Variants in KCNH7 observed in about 807,000 individuals in gnomAD.
KCNH7 encodes the protein potassium voltage-gated channel subfamily H member 7.
In KCNH7, 49 loss-of-function variants were observed where a neutral mutation model predicts 120.8. The ratio of observed to expected loss-of-function variants is 0.41; its 90% CI spans 0.32 to 0.51. The LOEUF (loss-of-function observed/expected upper bound fraction) is 0.51. KCNH7 is among the 20% of genes least tolerant of loss of function. The probability of loss-of-function intolerance (pLI) is 0.38; values close to 1 mark genes in which losing one functional copy is unlikely to be tolerated. For missense variants in KCNH7, 1,097 were observed against 1,446.6 expected (o/e 0.76, Z 3.92); for synonymous variants, 547 against 516.1 (o/e 1.06, Z -0.81).
At chr2:162,830,140 AG>A (rs1289717212) in intron 2 of KCNH7, among the ~76,000 whole-genome samples, 2 of 152,156 alleles carry the variant, frequency 1.3e-5, no homozygotes, top group African/African-American at 4.8e-5. Flanking sequence ...TTCACAGAGA[AG>A]TCTTTTGATC....
chr2:162,471,366 A>C (rs1171710224), intron 6 of KCNH7, among the ~76,000 whole-genome samples: 1 of 152,054 alleles, frequency 6.6e-6, no homozygotes, highest in Non-Finnish European at 1.5e-5. Flanking sequence ...TCTCCTGTGT[A>C]TATATTTGCA....
chr2:162,570,778 G>C, intron 2 of KCNH7, among the ~76,000 whole-genome samples: 1 of 151,964 alleles, frequency 6.6e-6, no homozygotes. Context: ...CATATAAACA[G>C]AACCAAAGAT....
In KCNH7 at chr2:162,602,217, G is replaced by C. The variant is rs143548791; in HGVS notation, c.308-65137C>G. Among the ~76,000 whole-genome samples the C allele has an allele frequency of 7.7e-3, 1,174 of 152,176 alleles. 16 individuals carry two copies. The highest frequency in any genetic ancestry group is 0.027 in the African/African-American group (1,109 of 41,542). On this transcript the variant is annotated intron_variant, in intron 2 of 15. Transcript: ENST00000332142. ...GCCTAGAAAGAAATTTGCAATAGGT[G>C]TCTCCCGAGTGAGAGCCAAACCACA...
At chr2:162,448,983 A>C (rs1360110429) in intron 6 of KCNH7, among the ~76,000 whole-genome samples, 1 of 151,974 alleles carries the variant, frequency 6.6e-6, no homozygotes, top group Admixed American at 6.6e-5. Context: ...ACTGAGACTG[A>C]ATAGGAGTCA....
intron 2 of KCNH7, among the ~76,000 whole-genome samples, chr2:162,644,178 T>G (rs1395874074): frequency 6.6e-6 from 1 of 152,162 alleles, no homozygotes; most frequent in African/African-American, 2.4e-5. Flanking sequence ...CTGCGCTGTA[T>G]CTGTGCTATT....
At chr2:162,791,430 T>G (rs1027592362) in intron 2 of KCNH7, among the ~76,000 whole-genome samples, 18 of 152,170 alleles carry the variant, frequency 1.2e-4, no homozygotes, top group Non-Finnish European at 7.4e-5. Context: ...AAAATGTTTT[T>G]CTATCTGTTT....
At chr2:162,807,109 CA>C (rs1684567136) in intron 2 of KCNH7, among the ~76,000 whole-genome samples, 1 of 151,020 alleles carries the variant, frequency 6.6e-6, no homozygotes. Flanking sequence ...TTGCAAAAAA[CA>C]AAAACAAACA....
intron 6 of KCNH7, among the ~76,000 whole-genome samples, chr2:162,501,695 A>C (rs1553484888): frequency 6.6e-6 from 1 of 152,002 alleles, no homozygotes. Context: ...CTCACAGTGC[A>C]GAAGGGGGCC....
chr2:162,396,471 T>C (rs1686914945), intron 11 of KCNH7, among the ~76,000 whole-genome samples: 1 of 151,838 alleles, frequency 6.6e-6, no homozygotes, highest in Non-Finnish European at 1.5e-5. Context: ...ACAAAGGCTA[T>C]TTTAACTCAA....
At chr2:162,749,549 T>C (rs1688470121) in intron 2 of KCNH7, among the ~76,000 whole-genome samples, 1 of 152,148 alleles carries the variant, frequency 6.6e-6, no homozygotes, top group African/African-American at 2.4e-5. Context: ...TTCAGCAGAC[T>C]AAGGGGTTCA....
intron 13 of KCNH7, 124 bp downstream of exon 13, chr2:162,384,564 G>A (rs1686518946): frequency 6.1e-6 from 6 of 978,676 alleles, no homozygotes; most frequent in South Asian, 3.2e-5. Flanking sequence ...AACGCTTCGC[G>A]AACATTTCAT....
At chr2:162,565,327 G>GCT (rs1693216900) in intron 2 of KCNH7, among the ~76,000 whole-genome samples, 1 of 151,740 alleles carries the variant, frequency 6.6e-6, no homozygotes, top group African/African-American at 2.4e-5. Context: ...GAAAAAAAAC[G>GCT]TAACTAGTCC....
At chr2:162,647,933 A>G (rs1574217611) in intron 2 of KCNH7, among the ~76,000 whole-genome samples, 1 of 152,198 alleles carries the variant, frequency 6.6e-6, no homozygotes, top group Admixed American at 6.5e-5. Context: ...CAATTATTGA[A>G]TTAATGATGT....
At chr2:162,611,161 C>T (rs542052705) in intron 2 of KCNH7, among the ~76,000 whole-genome samples, 1 of 152,248 alleles carries the variant, frequency 6.6e-6, no homozygotes, top group East Asian at 1.9e-4. Context: ...GGGGGCCCAC[C>T]GTGGGGCCTG....
rs192675921 is a variant in KCNH7 at position 162,592,436 on chromosome 2, T to C, written c.308-55356A>G. Among the ~76,000 whole-genome samples, 302 of 152,190 alleles carry C rather than the reference T, an allele frequency of 2.0e-3. 1 individual carries two copies. The highest frequency in any genetic ancestry group is 6.8e-3 in the African/African-American group (284 of 41,576). ...GATGGAAAAGCAAGGGGCACACTTATTTTATGAGGGCTTCCACATGACTCT... is the reference window on the plus strand; with the variant it reads ...GATGGAAAAGCAAGGGGCACACTTACTTTATGAGGGCTTCCACATGACTCT... On this transcript the variant is annotated intron_variant, in intron 2 of 15. Coordinates refer to ENST00000332142, the MANE Select transcript of KCNH7 (RefSeq NM_033272.4).
chr2:162,446,126 T>G lies in KCNH7; in HGVS notation c.1446A>C (p.Val482=). The G allele has an allele frequency of 6.2e-7, 1 of 1,613,860 alleles. No individual in the cohort carries two copies. Among genetic ancestry groups the G allele is most frequent in the Non-Finnish European group, 8.5e-7 (1 of 1,179,802 alleles). ...GTATTGCTATTTTGGCGGGATCACTTACCACTTCTTCATTCTGATTTACAT... is the reference window on the plus strand; with the variant it reads ...GTATTGCTATTTTGGCGGGATCACTGACCACTTCTTCATTCTGATTTACAT... ...TTYVNQNEEV[V]SDPAKIAIHY... Residue 482 remains valine (V), a synonymous_variant, in exon 7 of 16, where the codon GTA becomes GTC. Transcript: ENST00000332142.
intron 2 of KCNH7, among the ~76,000 whole-genome samples, chr2:162,671,353 CCATGGAT>C (rs1017569111): frequency 1.3e-5 from 2 of 151,488 alleles, no homozygotes; most frequent in African/African-American, 4.8e-5. Flanking sequence ...ACTATATATA[CCATGGAT>C]TACTATTCAG....
Position 162,838,622 on chromosome 2 carries a change from C to G in KCNH7, c.-104G>C. On this transcript the variant is annotated 5_prime_UTR_variant, in exon 1 of 16. Transcript: ENST00000332142. The stretch of plus-strand genomic sequence containing the variant: ...CCAGCGCGCGAGCCGCTCTTTGTGG[C>G]AGAGCATCCTCTTTTGAAACCAGAA... 1.2e-6 allele frequency: 1 copy of G among 830,426 alleles called. No individual in the cohort carries two copies. The highest frequency in any genetic ancestry group is 1.5e-5 in the South Asian group (1 of 65,226). The allele number at this position is 830,426 out of a possible 1,614,324, so 51.4% of individuals were successfully genotyped here. A position where few individuals can be genotyped will look rare whatever the true frequency, so the allele number is the denominator to read the frequency against.
intron 2 of KCNH7, among the ~76,000 whole-genome samples, chr2:162,620,943 ATGAAAGGCATAAGCTGGGAC>A (rs1275118044): frequency 1.3e-5 from 2 of 152,160 alleles, no homozygotes; most frequent in East Asian, 3.9e-4. Flanking sequence ...TTATGCTGGG[ATGAAAGGCATAAGCTGGGAC>A]TGCCCCAGTA....
Sources: allele counts gnomAD v4.1 joint callset (sites outside exome capture counted in the v4.1 genomes callset), GRCh38; gene constraint gnomAD v4.1.1; transcripts MANE v1.5; gene names NCBI Gene and HGNC (gene_info 2026-07-23, HGNC 2026-07-21).